ST3GAL3: variants seen among roughly 807,000 people sequenced by gnomAD.
ST3GAL3 encodes the protein ST3 beta-galactoside alpha-2,3-sialyltransferase 3.
Under a neutral mutation model 50.1 loss-of-function variants are expected in ST3GAL3, and 21 were observed. The ratio of observed to expected loss-of-function variants is 0.42; its 90% CI spans 0.30 to 0.60. The LOEUF (loss-of-function observed/expected upper bound fraction) is 0.60. Among genes scored for constraint, ST3GAL3 ranks in the 20% least tolerant of loss-of-function variants. The pLI, the probability that ST3GAL3 is intolerant of heterozygous loss-of-function variation, is 0.19. For missense variants in ST3GAL3, 353 were observed against 489.4 expected (o/e 0.72, Z 2.63); for synonymous variants, 183 against 190.0 (o/e 0.96, Z 0.30).
intron 5 of ST3GAL3, among the ~76,000 whole-genome samples, chr1:43,843,058 A>C (rs1243055750): frequency 6.6e-6 from 1 of 152,016 alleles, no homozygotes; most frequent in East Asian, 1.9e-4. Flanking sequence ...TTCCTTTTTC[A>C]TCTATATGTC....
At chr1:43,799,637 T>C (rs2059096577) in intron 3 of ST3GAL3, 1 of 152,236 alleles carries the variant, frequency 6.6e-6, no homozygotes. Context: ...GCCCTACCTC[T>C]TAATACTATC....
chr1:43,858,313 G>A, intron 5 of ST3GAL3: 1 of 1,266,372 alleles, frequency 7.9e-7, no homozygotes, highest in Admixed American at 2.4e-5. Flanking sequence ...GGAAAGGTGG[G>A]GCTTCGGCAG....
chr1:43,835,753 T>C (rs1304799667), intron 4 of ST3GAL3, among the ~76,000 whole-genome samples: 4 of 152,196 alleles, frequency 2.6e-5, no homozygotes, highest in Non-Finnish European at 5.9e-5. Flanking sequence ...TGTCCATCTT[T>C]CTGCTGTTTA....
intron 9 of ST3GAL3, among the ~76,000 whole-genome samples, chr1:43,914,825 G>A (rs1557517106): frequency 6.6e-6 from 1 of 152,362 alleles, no homozygotes; most frequent in East Asian, 1.9e-4. Flanking sequence ...GCTGTGCTGT[G>A]CTGTGCTTGG....
At chr1:43,921,705 A>G (rs2083061254) in intron 11 of ST3GAL3, 2 of 398,438 alleles carry the variant, frequency 5.0e-6, no homozygotes, top group Non-Finnish European at 8.8e-6. Flanking sequence ...ATCCTTCTCC[A>G]TCATCCCCCT....
chr1:43,873,576 G>A (rs530518683), intron 5 of ST3GAL3, among the ~76,000 whole-genome samples: 1 of 152,226 alleles, frequency 6.6e-6, no homozygotes, highest in Admixed American at 6.5e-5. Flanking sequence ...CCTGAGGCCA[G>A]GGGTTTGAGA....
intron 4 of ST3GAL3, among the ~76,000 whole-genome samples, chr1:43,822,207 C>G (rs1451483378): frequency 6.6e-6 from 1 of 152,148 alleles, no homozygotes; most frequent in Non-Finnish European, 1.5e-5. Flanking sequence ...CAGGAATGTG[C>G]CCATTAGTCC....
intron 3 of ST3GAL3, among the ~76,000 whole-genome samples, chr1:43,794,570 T>C (rs1052257678): frequency 6.6e-6 from 1 of 152,220 alleles, no homozygotes; most frequent in Non-Finnish European, 1.5e-5. Context: ...GTATATTATC[T>C]GCAGAAATGG....
chr1:43,736,268 A>T lies in ST3GAL3; in HGVS notation c.6A>T (p.Gly2=). 6.2e-7 allele frequency: 1 copy of T among 1,613,820 alleles called. No individual in the cohort carries two copies. Among genetic ancestry groups the T allele is most frequent in the East Asian group, 2.2e-5 (1 of 44,872 alleles). Residue 2 remains glycine (G), a synonymous_variant, in exon 2 of 12, where the codon GGA becomes GGT. Transcript: ENST00000347631. ...AAATCGTAAATCATGTGAAGATGGG[A>T]CTCTTGGTATTTGTGCGCAATCTGC... The part of the protein sequence containing the change: M[G]LLVFVRNLLL...
At chr1:43,853,580 G>A (rs190284002) in intron 5 of ST3GAL3, among the ~76,000 whole-genome samples, 177 of 152,312 alleles carry the variant, frequency 1.2e-3, no homozygotes, top group African/African-American at 3.9e-3. Flanking sequence ...TAGTGGCCAA[G>A]GTACCGAGGT....
At chr1:43,927,516 G>A (rs547882186) in intron 11 of ST3GAL3, among the ~76,000 whole-genome samples, 1 of 152,196 alleles carries the variant, frequency 6.6e-6, no homozygotes, top group South Asian at 2.1e-4. Flanking sequence ...CATCAAATTC[G>A]TTACTACTTC....
At chr1:43,798,840 C>A (rs1393795702) in intron 3 of ST3GAL3, among the ~76,000 whole-genome samples, 1 of 152,064 alleles carries the variant, frequency 6.6e-6, no homozygotes, top group Non-Finnish European at 1.5e-5. Context: ...ATTTAGAATG[C>A]GTCTGGCACA....
At position 43,895,435 on chromosome 1, in the gene ST3GAL3, G is replaced by A. The variant is rs529371540; in HGVS notation, c.397+958G>A. On this transcript the variant is annotated intron_variant, in intron 6 of 11. Transcript: ENST00000347631. ...ATGGTGGAAAATAATCTGGACTTAT[G>A]GGTCAGGCACAGAGGGATCAGATCC... Among the ~76,000 whole-genome samples, 4 of 152,274 alleles carry A rather than the reference G, an allele frequency of 2.6e-5. No individual in the cohort carries two copies. The South Asian group carries it at 8.3e-4, about 32-fold the overall frequency.
At chr1:43,785,043 C>T (rs755757007) in intron 2 of ST3GAL3, among the ~76,000 whole-genome samples, 7 of 151,996 alleles carry the variant, frequency 4.6e-5, no homozygotes, top group South Asian at 2.1e-4. Context: ...TCTGTTTGTC[C>T]GCAGGAATCT....
At chr1:43,795,592 G>T (rs984341717) in intron 3 of ST3GAL3, among the ~76,000 whole-genome samples, 2 of 152,304 alleles carry the variant, frequency 1.3e-5, no homozygotes, top group South Asian at 2.1e-4. Context: ...TTTACAAAGC[G>T]CTGGGCATAC....
At chr1:43,863,967 GGA>G (rs1169404183) in intron 5 of ST3GAL3, among the ~76,000 whole-genome samples, 1 of 128,788 alleles carries the variant, frequency 7.8e-6, no homozygotes, top group East Asian at 2.4e-4. Context: ...GAGGTCTAGG[GGA>G]GAGTGACAGA....
intron 2 of ST3GAL3, among the ~76,000 whole-genome samples, chr1:43,756,913 T>G (rs1306354444): frequency 2.0e-5 from 3 of 152,130 alleles, no homozygotes; most frequent in Non-Finnish European, 4.4e-5. Flanking sequence ...TGTGTTTTAT[T>G]TTATTTTTTG....
intron 11 of ST3GAL3, among the ~76,000 whole-genome samples, chr1:43,926,801 GC>G (rs2084042794): frequency 6.6e-6 from 1 of 152,002 alleles, no homozygotes. Context: ...AGGTGGCATT[GC>G]CGGATCCAAG....
intron 5 of ST3GAL3, among the ~76,000 whole-genome samples, chr1:43,846,569 G>A (rs536457565): frequency 1.2e-4 from 18 of 152,166 alleles, no homozygotes; most frequent in Non-Finnish European, 2.4e-4. Flanking sequence ...TGGTTGGGGA[G>A]CAGCCTATCT....
Sources: gnomAD v4.1 joint callset for allele counts (sites outside exome capture counted in the v4.1 genomes callset) on GRCh38, gnomAD v4.1.1 for gene constraint, MANE v1.5 for transcripts, NCBI Gene and HGNC (gene_info 2026-07-23, HGNC 2026-07-21) for gene names.